Variants in BMERB1 observed in about 807,000 individuals in gnomAD.
BMERB1 encodes the protein bMERB domain containing 1.
BMERB1 carries 12 observed loss-of-function variants against 23.6 expected under a neutral mutation model. The ratio of observed to expected loss-of-function variants is 0.51; its 90% CI spans 0.33 to 0.82. The LOEUF (loss-of-function observed/expected upper bound fraction) is 0.82, where lower values mean the gene tolerates loss of function less well. BMERB1 is among the 40% of genes least tolerant of loss of function. BMERB1 has a pLI of 0.03. For missense variants in BMERB1, 247 were observed against 255.4 expected (o/e 0.97, Z 0.22); for synonymous variants, 122 against 96.6 (o/e 1.26, Z -1.54).
At chr16:15,515,494 G>C (rs1263138231) in intron 2 of BMERB1, 66 bp downstream of exon 2, 2 of 1,559,516 alleles carry the variant, frequency 1.3e-6, no homozygotes, top group African/African-American at 1.4e-5. Context: ...CCTAATATTT[G>C]TTGATCGTCT....
In BMERB1 at chr16:15,587,526, T is replaced by C. The variant is rs1281491492; in HGVS notation, c.*697T>C. On this transcript the variant is annotated 3_prime_UTR_variant, in exon 6 of 6. Transcript: ENST00000300006. ...CTCAGGTGTGTGCCTGGAGGGGGCC[T>C]GGACTGGCATGGATCCAGTGTGCAG... is the stretch of plus-strand genomic sequence containing the variant. 2 of 451,012 alleles carry C rather than the reference T, an allele frequency of 4.4e-6. No individual in the cohort carries two copies. The highest frequency in any genetic ancestry group is 4.5e-6 in the Non-Finnish European group (1 of 223,580). 27.9% of individuals were successfully genotyped at this position (451,012 alleles called of 1,614,324 possible).
At chr16:15,518,704 T>C (rs1292662406) in intron 2 of BMERB1, among the ~76,000 whole-genome samples, 1 of 151,988 alleles carries the variant, frequency 6.6e-6, no homozygotes, top group African/African-American at 2.4e-5. Flanking sequence ...GGTTACAAAA[T>C]TTGCCTGATG....
At chr16:15,554,706 G>A (rs147787456) in intron 2 of BMERB1, among the ~76,000 whole-genome samples, 1,539 of 147,042 alleles carry the variant, frequency 0.01, 35 homozygotes, top group East Asian at 0.093. Flanking sequence ...TCGCTCTGTC[G>A]CCCATGCTGC....
At chr16:15,574,987 G>C (rs573672016) in intron 3 of BMERB1, among the ~76,000 whole-genome samples, 1 of 152,302 alleles carries the variant, frequency 6.6e-6, no homozygotes, top group African/African-American at 2.4e-5. Context: ...ACTGAGGCAG[G>C]AGAATTGCTT....
At chr16:15,530,153 G>T (rs758964509) in intron 2 of BMERB1, among the ~76,000 whole-genome samples, 1 of 152,144 alleles carries the variant, frequency 6.6e-6, no homozygotes, top group African/African-American at 2.4e-5. Flanking sequence ...TTGCTCTTCT[G>T]TGTCAAATCC....
At chr16:15,493,938 A>G (rs73505566) in intron 1 of BMERB1, among the ~76,000 whole-genome samples, 4,358 of 152,248 alleles carry the variant, frequency 0.029, 195 homozygotes, top group South Asian at 0.11. Context: ...CGCCAAGCAC[A>G]TGGTTTTAAG....
chr16:15,481,613 T>C (rs1405115496), intron 1 of BMERB1, among the ~76,000 whole-genome samples: 1 of 152,090 alleles, frequency 6.6e-6, no homozygotes, highest in Non-Finnish European at 1.5e-5. Context: ...AAGAGAGATG[T>C]CAAGGGAACT....
chr16:15,587,534 C>A lies in BMERB1; in HGVS notation c.*705C>A. 2.2e-6 allele frequency: 1 copy of A among 452,646 alleles called. No individual in the cohort carries two copies. The highest frequency in any genetic ancestry group is 4.5e-6 in the Non-Finnish European group (1 of 224,612). 28.0% of individuals were successfully genotyped at this position (452,646 alleles called of 1,614,324 possible). ...TGTGCCTGGAGGGGGCCTGGACTGG[C>A]ATGGATCCAGTGTGCAGAAGAGCCA... is the stretch of plus-strand genomic sequence containing the variant. On this transcript the variant is annotated 3_prime_UTR_variant, in exon 6 of 6. Coordinates refer to ENST00000300006, the MANE Select transcript of BMERB1 (RefSeq NM_033201.3).
At chr16:15,522,918 A>G (rs755795161) in intron 2 of BMERB1, among the ~76,000 whole-genome samples, 7 of 152,150 alleles carry the variant, frequency 4.6e-5, no homozygotes, top group South Asian at 2.1e-4. Context: ...AACTAGCTCA[A>G]TTAGACCCTC....
At chr16:15,495,362 AGTTTTTT>A (rs1367864926) in intron 1 of BMERB1, among the ~76,000 whole-genome samples, 2 of 150,818 alleles carry the variant, frequency 1.3e-5, no homozygotes, top group Admixed American at 6.6e-5. Context: ...TGCCCAGCTA[AGTTTTTT>A]GTTTTTTGTT....
chr16:15,457,847 C>T (rs573074695), intron 1 of BMERB1, among the ~76,000 whole-genome samples: 12 of 152,282 alleles, frequency 7.9e-5, no homozygotes, highest in Admixed American at 7.2e-4. Flanking sequence ...CTCACAGTTC[C>T]GCATGGCTGG....
At chr16:15,530,063 C>T (rs1267626850) in intron 2 of BMERB1, among the ~76,000 whole-genome samples, 1 of 152,126 alleles carries the variant, frequency 6.6e-6, no homozygotes, top group Non-Finnish European at 1.5e-5. Flanking sequence ...CATTTCTTGG[C>T]TTGTGTTTCC....
rs2051073710 is a variant in BMERB1, at chr16:15,455,120, T to A, written c.106+20361T>A. Among the ~76,000 whole-genome samples, 3 of 151,826 alleles carry A rather than the reference T, an allele frequency of 2.0e-5. No homozygotes were observed. In the South Asian group the frequency reaches 6.3e-4, roughly 32 times the overall value. ...GAAGGCAGAGGCAGGTGACCTGAGG[T>A]CAGGAGTTCAGCCTGGCTAACATGG... On this transcript the variant is annotated intron_variant, in intron 1 of 5. Coordinates refer to ENST00000300006, the MANE Select transcript of BMERB1 (RefSeq NM_033201.3).
chr16:15,506,579 C>G (rs922128022), intron 1 of BMERB1, among the ~76,000 whole-genome samples: 1 of 152,200 alleles, frequency 6.6e-6, no homozygotes, highest in Non-Finnish European at 1.5e-5. Context: ...TTGAAATTTA[C>G]CAGATCACTA....
At chr16:15,563,316 G>C (rs571220468) in intron 2 of BMERB1, among the ~76,000 whole-genome samples, 9 of 146,218 alleles carry the variant, frequency 6.2e-5, no homozygotes, top group Admixed American at 2.0e-4. Flanking sequence ...CGCCTCCTGG[G>C]TTCACACATT....
At chr16:15,548,819 A>G (rs28550097) in intron 2 of BMERB1, among the ~76,000 whole-genome samples, 10,444 of 152,200 alleles carry the variant, frequency 0.069, 1,146 homozygotes, top group African/African-American at 0.23. Flanking sequence ...TGCTGGTGCA[A>G]TGACTCTGAT....
At chr16:15,434,940 AG>A (rs912383227) in intron 1 of BMERB1, among the ~76,000 whole-genome samples, 181 bp downstream of exon 1, 2 of 152,140 alleles carry the variant, frequency 1.3e-5, no homozygotes, top group East Asian at 1.9e-4. Flanking sequence ...CGCGAACAAA[AG>A]GGGGGGACCC....
chr16:15,502,247 T>G, intron 1 of BMERB1: 2 of 1,528,832 alleles, frequency 1.3e-6, no homozygotes, highest in Non-Finnish European at 1.8e-6. Context: ...AAAAATGTGC[T>G]TGAGGTGCCA....
intron 2 of BMERB1, among the ~76,000 whole-genome samples, chr16:15,527,411 C>G (rs959717161): frequency 6.6e-6 from 1 of 152,116 alleles, no homozygotes; most frequent in African/African-American, 2.4e-5. Flanking sequence ...TCGAGACCAC[C>G]CTGGGCAACA....
Sources: allele counts gnomAD v4.1 joint callset (sites outside exome capture counted in the v4.1 genomes callset), GRCh38; gene constraint gnomAD v4.1.1; transcripts MANE v1.5; gene names NCBI Gene and HGNC (gene_info 2026-07-23, HGNC 2026-07-21).